The following ELF1 variants were observed in gnomAD, a reference collection of about 807,000 sequenced individuals.
ELF1 encodes ETS-related transcription factor Elf-1.
ELF1 carries 24 observed loss-of-function variants against 59.9 expected under a neutral mutation model. That is an observed-to-expected ratio of 0.40 (90% CI 0.29 to 0.56). The LOEUF (loss-of-function observed/expected upper bound fraction) is 0.56, where lower values mean the gene tolerates loss of function less well. Among genes scored for constraint, ELF1 ranks in the 20% least tolerant of loss-of-function variants. The probability of loss-of-function intolerance (pLI) is 0.44; values close to 1 mark genes in which losing one functional copy is unlikely to be tolerated. For missense variants in ELF1, 627 were observed against 742.2 expected (o/e 0.84, Z 1.80); for synonymous variants, 248 against 266.2 (o/e 0.93, Z 0.67).
intron 6 of ELF1, 57 bp downstream of exon 6, chr13:40,943,785 T>TA: frequency 7.0e-7 from 1 of 1,432,906 alleles, no homozygotes; most frequent in Non-Finnish European, 9.5e-7. Context: ...TTATAATAGG[T>TA]AGGCACTATA....
chr13:41,013,363 A>G (rs537879636), intron 1 of ELF1, among the ~76,000 whole-genome samples: 5 of 152,204 alleles, frequency 3.3e-5, no homozygotes, highest in Non-Finnish European at 5.9e-5. Context: ...CATCAACAAG[A>G]GAGAATAAAT....
chr13:41,058,687 T>TCAAGGC (rs1877375705), intron 1 of ELF1, among the ~76,000 whole-genome samples: 1 of 152,214 alleles, frequency 6.6e-6, no homozygotes, highest in Non-Finnish European at 1.5e-5. Flanking sequence ...AAATACAAGG[T>TCAAGGC]CAAGGCCTGG....
chr13:40,959,350 G>T (rs1347200039), intron 2 of ELF1, among the ~76,000 whole-genome samples: 1 of 152,008 alleles, frequency 6.6e-6, no homozygotes, highest in Non-Finnish European at 1.5e-5. Flanking sequence ...ACAAAAATTA[G>T]CTGGGCACGG....
In ELF1 at chr13:40,949,911, C is replaced by T. The variant is rs149535884; in HGVS notation, c.424G>A (p.Val142Ile). ...ACTTCAGGAATCCCATCTAATGTGA[C>T]GGACACATGGGTGACTGGGGCAACA... ...MVVAPVTHVS[V>I]TLDGIPEVME... Residue 142 changes from valine to isoleucine, a missense_variant, in exon 5 of 9, where the codon GTC becomes ATC. This residue lies in a region of ELF1 where 232 missense variants were observed against 269.2 expected (regional missense o/e 0.86). Transcript: ENST00000239882. 100 of 1,613,842 alleles carry T rather than the reference C, an allele frequency of 6.2e-5. No homozygotes were observed. The highest frequency in any genetic ancestry group is 7.5e-5 in the Non-Finnish European group (88 of 1,179,968).
In ELF1 at chr13:41,045,504, G is replaced by A. The variant is rs191230991; in HGVS notation, c.-229+15334C>T. Among the ~76,000 whole-genome samples, 600 of 152,218 alleles carry A rather than the reference G, an allele frequency of 3.9e-3. 2 individuals carry two copies. Among genetic ancestry groups the A allele is most frequent in the Non-Finnish European group, 3.8e-3 (261 of 67,990 alleles). On this transcript the variant is annotated intron_variant, in intron 1 of 1. Coordinates refer to the ELF1 transcript ENST00000405737. The stretch of plus-strand genomic sequence containing the variant: ...GGTATGTTGTGTCTTTGTTCTCATT[G>A]GTTTCAAAGAACATGTTTATTTCTG...
chr13:40,943,287 G>C, intron 6 of ELF1, 143 bp from the exon 7 acceptor site: 3 of 670,896 alleles, frequency 4.5e-6, no homozygotes, highest in Non-Finnish European at 6.7e-6. Context: ...ACATAATTTA[G>C]TTAGTATGGG....
chr13:40,954,198 T>C (rs1282229076), intron 3 of ELF1, among the ~76,000 whole-genome samples: 2 of 152,156 alleles, frequency 1.3e-5, no homozygotes, highest in African/African-American at 2.4e-5. Context: ...TGGTTTGCTC[T>C]GAACAAAAAA....
chr13:41,002,280 A>G (rs935023427), intron 1 of ELF1, among the ~76,000 whole-genome samples: 4 of 152,072 alleles, frequency 2.6e-5, no homozygotes, highest in African/African-American at 9.7e-5. Context: ...AAATAGAAAT[A>G]CCTGGAGAAG....
chr13:41,059,244 GAGA>G (rs1231113083), intron 1 of ELF1, among the ~76,000 whole-genome samples: 1 of 152,230 alleles, frequency 6.6e-6, no homozygotes, highest in African/African-American at 2.4e-5. Context: ...CCAGAGAACA[GAGA>G]AGGTGAAAAG....
intron 3 of ELF1, among the ~76,000 whole-genome samples, chr13:40,952,978 CTT>C (rs35370228): frequency 7.0e-6 from 1 of 142,004 alleles, no homozygotes; most frequent in Non-Finnish European, 1.5e-5. Flanking sequence ...AACAATAAAT[CTT>C]TTTTTTTTTT....
rs1422922092 is a variant in ELF1, at chr13:40,933,420, A to T, written c.*5T>A. The T allele has an allele frequency of 3.7e-6, 6 of 1,606,952 alleles. No homozygotes were observed. ...AACAATTATTCATAAGCTTTGGTAT[A>T]TTAACTAAAAAGAGTTGGGTTCCAG... On this transcript the variant is annotated 3_prime_UTR_variant, in exon 9 of 9. Transcript: ENST00000239882.
chr13:40,954,435 A>AC (rs940753817), intron 3 of ELF1, among the ~76,000 whole-genome samples: 5 of 42,274 alleles, frequency 1.2e-4, no homozygotes, highest in African/African-American at 2.1e-4. Context: ...CCCTCTCCCC[A>AC]CGGTCTCCCT....
At chr13:41,045,562 A>G (rs1876808275) in intron 1 of ELF1, among the ~76,000 whole-genome samples, 1 of 152,236 alleles carries the variant, frequency 6.6e-6, no homozygotes, top group Non-Finnish European at 1.5e-5. Flanking sequence ...GCAGTCATTC[A>G]GGAGCAGGTT....
Position 40,932,495 on chromosome 13 carries a change from C to A in ELF1, c.*930G>T, listed in dbSNP as rs537257246. 6 of 152,220 alleles carry A rather than the reference C, an allele frequency of 3.9e-5. No homozygotes were observed. The highest frequency in any genetic ancestry group is 1.2e-4 in the African/African-American group (5 of 41,538). 9.4% of individuals were successfully genotyped at this position (152,220 alleles called of 1,614,324 possible). A position where few individuals can be genotyped will look rare whatever the true frequency, so the allele number is the denominator to read the frequency against. ...GTATTCTGTTTAGCACTTAGCAACA[C>A]AAGTTTACTAATGGACCGCAAAGCA... On this transcript the variant is annotated 3_prime_UTR_variant, in exon 9 of 9. Coordinates refer to ENST00000239882, the MANE Select transcript of ELF1 (RefSeq NM_172373.4).
intron 1 of ELF1, among the ~76,000 whole-genome samples, chr13:40,997,205 CCTGAATGATCTGTTTTCA>C (rs1208354052): frequency 2.6e-5 from 4 of 152,136 alleles, no homozygotes; most frequent in Non-Finnish European, 5.9e-5. Flanking sequence ...GAAAAAAAAC[CCTGAATGATCTGTTTTCA>C]CAGTCTACCT....
chr13:40,977,122 A>G (rs1872960408), intron 2 of ELF1, among the ~76,000 whole-genome samples: 1 of 152,168 alleles, frequency 6.6e-6, no homozygotes, highest in Non-Finnish European at 1.5e-5. Flanking sequence ...AAAAAGCATT[A>G]AACTATGCCG....
At chr13:40,941,723 T>G (rs1454335873) in intron 7 of ELF1, among the ~76,000 whole-genome samples, 1 of 152,152 alleles carries the variant, frequency 6.6e-6, no homozygotes, top group South Asian at 2.1e-4. Flanking sequence ...AGTGGCATGA[T>G]CACAGCTCAC....
At chr13:41,056,578 T>G (rs768410802) in intron 1 of ELF1, among the ~76,000 whole-genome samples, 1 of 152,262 alleles carries the variant, frequency 6.6e-6, no homozygotes, top group Non-Finnish European at 1.5e-5. Context: ...TGCACCATTA[T>G]ACATTTCCAG....
rs7984000 is a variant in ELF1 at position 41,015,771 on chromosome 13, T to G, written c.-229+3457A>C. On this transcript the variant is annotated intron_variant, in intron 1 of 8. Transcript: ENST00000239882. ...GAGATTAAGCTGAGGGCCACATGCTTTTTAAAGATGTGCCATCTTTAACTT... is the reference window on the plus strand; with the variant it reads ...GAGATTAAGCTGAGGGCCACATGCTGTTTAAAGATGTGCCATCTTTAACTT... Among the ~76,000 whole-genome samples the G allele has an allele frequency of 1.6e-3, 242 of 152,260 alleles. 1 individual carries two copies. The highest frequency in any genetic ancestry group is 5.6e-3 in the African/African-American group (232 of 41,560).
Sources: gnomAD v4.1 joint callset for allele counts (sites outside exome capture counted in the v4.1 genomes callset) on GRCh38, gnomAD v4.1.1 for gene constraint, gnomAD v4.1.1 regional missense constraint, MANE v1.5 for transcripts, NCBI Gene and HGNC (gene_info 2026-07-23, HGNC 2026-07-21) for gene names.